Variants in KAT6B observed in about 807,000 individuals in gnomAD.
KAT6B encodes the protein lysine acetyltransferase 6B.
KAT6B carries 10 observed loss-of-function variants against 187.5 expected under a neutral mutation model. The observed-to-expected ratio is 0.05, with a 90% CI of 0.03 to 0.09. The LOEUF (loss-of-function observed/expected upper bound fraction) is 0.09. KAT6B is among the 10% of genes least tolerant of loss of function. The pLI is 1.00. For missense variants in KAT6B, 1,952 were observed against 2,558.9 expected, an observed-to-expected ratio of 0.76 and a Z score of 5.12; for synonymous variants, 861 against 926.8, an observed-to-expected ratio of 0.93 and a Z score of 1.29.
chr10:75,024,286 A>G (rs1845649695), intron 16 of KAT6B: 1 of 152,252 alleles, frequency 6.6e-6, no homozygotes, highest in Admixed American at 6.5e-5. Context: ...CATACAAATA[A>G]GACATCTGGC....
chr10:74,990,484 A>G (rs1337034103), intron 13 of KAT6B, among the ~76,000 whole-genome samples: 2 of 152,138 alleles, frequency 1.3e-5, no homozygotes, highest in Non-Finnish European at 2.9e-5. Context: ...GATTTATATG[A>G]TTTATTGACA....
chr10:74,833,189 C>T (rs1043630783), intron 1 of KAT6B, among the ~76,000 whole-genome samples: 3 of 150,272 alleles, frequency 2.0e-5, no homozygotes, highest in African/African-American at 4.9e-5. Context: ...ACATTATTCT[C>T]GGTCTTTGTC....
chr10:74,980,287 T>C (rs1842426930), intron 10 of KAT6B, among the ~76,000 whole-genome samples: 1 of 152,242 alleles, frequency 6.6e-6, no homozygotes, highest in Non-Finnish European at 1.5e-5. Flanking sequence ...CCATAAAGTA[T>C]GTCAGGGTAC....
At chr10:74,987,340 G>A (rs1000773271) in intron 12 of KAT6B, among the ~76,000 whole-genome samples, 1 of 152,104 alleles carries the variant, frequency 6.6e-6, no homozygotes, top group Non-Finnish European at 1.5e-5. Context: ...GGCCGAGACA[G>A]GAGAATCCCT....
intron 3 of KAT6B, among the ~76,000 whole-genome samples, chr10:74,853,685 T>G (rs1425693019): frequency 6.7e-6 from 1 of 149,780 alleles, no homozygotes; most frequent in African/African-American, 2.5e-5. Context: ...TGGAGTGTAG[T>G]GGCATGGTCT....
chr10:74,977,283 G>A (rs1842221000), intron 8 of KAT6B, 33 bp from the exon 9 acceptor site: 1 of 1,608,852 alleles, frequency 6.2e-7, no homozygotes. Context: ...ATTCAAGTCA[G>A]TGAATACACT....
At chr10:74,847,403 C>T (rs1177722804) in intron 3 of KAT6B, among the ~76,000 whole-genome samples, 1 of 152,124 alleles carries the variant, frequency 6.6e-6, no homozygotes, top group East Asian at 1.9e-4. Flanking sequence ...TGGCTCATGC[C>T]TGTAATCCCA....
At chr10:74,943,847 G>T (rs189611878) in intron 3 of KAT6B, among the ~76,000 whole-genome samples, 1 of 152,152 alleles carries the variant, frequency 6.6e-6, no homozygotes, top group South Asian at 2.1e-4. Flanking sequence ...GGAAAGGCAA[G>T]CCACAAACTG....
At chr10:74,864,325 C>A (rs981633120) in intron 3 of KAT6B, among the ~76,000 whole-genome samples, 3 of 152,184 alleles carry the variant, frequency 2.0e-5, no homozygotes, top group African/African-American at 7.2e-5. Flanking sequence ...CTGCAACGCT[C>A]CATCTCCCAG....
At chr10:74,959,876 G>A in intron 3 of KAT6B, 94 bp from the exon 4 acceptor site, 1 of 835,858 alleles carries the variant, frequency 1.2e-6, no homozygotes, top group East Asian at 2.5e-5. Flanking sequence ...GAAAGAAGAA[G>A]CTTTAAGTGA....
intron 3 of KAT6B, among the ~76,000 whole-genome samples, chr10:74,848,324 C>T (rs1842248714): frequency 1.3e-5 from 2 of 152,268 alleles, no homozygotes; most frequent in African/African-American, 4.8e-5. Context: ...AACACAAATT[C>T]GTAAACTTTC....
intron 1 of KAT6B, among the ~76,000 whole-genome samples, chr10:74,834,206 T>C (rs1292431440): frequency 6.6e-6 from 1 of 152,060 alleles, no homozygotes; most frequent in African/African-American, 2.4e-5. Context: ...ATTTCTGTTT[T>C]TTTTTTTTTT....
At chr10:74,934,357 A>G (rs917614811) in intron 3 of KAT6B, among the ~76,000 whole-genome samples, 5 of 152,088 alleles carry the variant, frequency 3.3e-5, no homozygotes, top group African/African-American at 7.2e-5. Context: ...TTTTTCTCTC[A>G]ACATACAGAC....
chr10:74,876,788 G>A (rs1844444837), intron 3 of KAT6B, among the ~76,000 whole-genome samples: 1 of 151,724 alleles, frequency 6.6e-6, no homozygotes, highest in African/African-American at 2.4e-5. Flanking sequence ...TGGCGCATGC[G>A]TGTAGTCTCA....
At chr10:74,967,746 CT>C (rs893949057) in intron 4 of KAT6B, among the ~76,000 whole-genome samples, 36 of 152,160 alleles carry the variant, frequency 2.4e-4, no homozygotes, top group Non-Finnish European at 4.4e-4. Flanking sequence ...TTCCTTGCCC[CT>C]GATTGAAAAT....
At chr10:75,001,742 T>C (rs1416307029) in intron 13 of KAT6B, among the ~76,000 whole-genome samples, 1 of 152,172 alleles carries the variant, frequency 6.6e-6, no homozygotes, top group Non-Finnish European at 1.5e-5. Flanking sequence ...ACCTGAAAAT[T>C]GCCTTCTTGA....
At chr10:74,920,014 T>A (rs1249127237) in intron 3 of KAT6B, among the ~76,000 whole-genome samples, 1 of 152,234 alleles carries the variant, frequency 6.6e-6, no homozygotes, top group Admixed American at 6.5e-5. Context: ...TATCTGAAGT[T>A]CCTGTGGGTC....
intron 3 of KAT6B, among the ~76,000 whole-genome samples, chr10:74,843,830 T>C (rs1392615191): frequency 6.6e-6 from 1 of 152,204 alleles, no homozygotes; most frequent in Non-Finnish European, 1.5e-5. Context: ...TATATTTTTC[T>C]CTTTATTACT....
chr10:74,829,128 C>A (rs1840534945), intron 1 of KAT6B, among the ~76,000 whole-genome samples: 1 of 152,066 alleles, frequency 6.6e-6, no homozygotes, highest in Non-Finnish European at 1.5e-5. Context: ...TGCTTACTAG[C>A]CACACTTAGG....
Sources: gnomAD v4.1 joint callset for allele counts (sites outside exome capture counted in the v4.1 genomes callset) on GRCh38, gnomAD v4.1.1 for gene constraint, MANE v1.5 for transcripts, NCBI Gene and HGNC (gene_info 2026-07-23, HGNC 2026-07-21) for gene names.